SLC7A7: variants seen among roughly 807,000 people sequenced by gnomAD.
The protein encoded by SLC7A7 is solute carrier family 7 member 7.
Under a neutral mutation model 47.9 loss-of-function variants are expected in SLC7A7, and 39 were observed. That is an observed-to-expected ratio of 0.81 (90% CI 0.63 to 1.06). The LOEUF (loss-of-function observed/expected upper bound fraction) is 1.06. SLC7A7 is among the 50% of genes least tolerant of loss of function. SLC7A7 has a pLI of 0.00. For missense variants in SLC7A7, 588 were observed against 632.0 expected (o/e 0.93, Z 0.75); for synonymous variants, 234 against 242.8 (o/e 0.96, Z 0.34).
At chr14:22,789,627 CAAAAA>C (rs71115580) in intron 2 of SLC7A7, among the ~76,000 whole-genome samples, 10 of 112,554 alleles carry the variant, frequency 8.9e-5, no homozygotes, top group Admixed American at 9.3e-5. Context: ...GACTCTGGCT[CAAAAA>C]AAAAAAAAAA....
intron 2 of SLC7A7, among the ~76,000 whole-genome samples, chr14:22,790,959 C>T (rs11157819): frequency 0.87 from 129,839 of 149,350 alleles, 57,245 homozygotes; most frequent in East Asian, 0.98. Context: ...GATCGCGCCA[C>T]TGCACTCCAG....
intron 2 of SLC7A7, among the ~76,000 whole-genome samples, chr14:22,794,959 A>G (rs1185366686): frequency 6.6e-6 from 1 of 151,694 alleles, no homozygotes; most frequent in Non-Finnish European, 1.5e-5. Context: ...CTCAAAAGCA[A>G]TTTTTCTGCT....
intron 2 of SLC7A7, among the ~76,000 whole-genome samples, chr14:22,805,197 A>C (rs36110354): frequency 0.13 from 19,135 of 152,000 alleles, 1,375 homozygotes; most frequent in South Asian, 0.19. Flanking sequence ...GAAACTCCAT[A>C]TCTACTAAAA....
In SLC7A7 at chr14:22,773,944, C is replaced by T. The variant is rs200779103; in HGVS notation, c.1418G>A (p.Arg473Gln). ...GATGCACGGCTTACCCACGATCCTT[C>T]GGAGGTAAAGCGGTCGCTTATGTTC... ...VPEHKRPLYLRRIVGSATRYL... is the reference protein window; with the variant it reads ...VPEHKRPLYLQRIVGSATRYL... The change falls in exon 9 of 10, where the codon CGA (arginine) becomes CAA (glutamine). Residue 473 changes from arginine (R) to glutamine (Q), a missense_variant. Coordinates refer to ENST00000674313, the MANE Select transcript of SLC7A7 (RefSeq NM_003982.4). 69 of 1,614,002 alleles carry T rather than the reference C, an allele frequency of 4.3e-5. No homozygotes were observed. Among genetic ancestry groups the T allele is most frequent in the African/African-American group, 8.0e-5 (6 of 74,928 alleles).
At chr14:22,802,638 T>C (rs1042943034) in intron 2 of SLC7A7, among the ~76,000 whole-genome samples, 3 of 152,224 alleles carry the variant, frequency 2.0e-5, no homozygotes, top group African/African-American at 7.2e-5. Context: ...TATCCTTCCT[T>C]GTCCACCCCA....
At chr14:22,806,038 G>A (rs1460077935) in intron 2 of SLC7A7, among the ~76,000 whole-genome samples, 3 of 147,800 alleles carry the variant, frequency 2.0e-5, no homozygotes, top group Non-Finnish European at 3.0e-5. Context: ...CCACTCGGGA[G>A]GCTGAGGCAG....
chr14:22,773,735 G>C lies in SLC7A7; in HGVS notation c.1430-19C>G, dbSNP rs1402594046. 3 of 1,612,200 alleles carry C rather than the reference G, an allele frequency of 1.9e-6. No individual in the cohort carries two copies. Among genetic ancestry groups the C allele is most frequent in the Non-Finnish European group, 2.5e-6 (3 of 1,178,328 alleles). ...GCAGACCCTACAAAGAGAACTTTGA[G>C]TTGGAATTGAGAAGAGGTCAGCTGG... On this transcript the variant is annotated intron_variant, in intron 9 of 9. Transcript: ENST00000674313.
chr14:22,814,482 C>T (rs1376751163), intron 1 of SLC7A7, among the ~76,000 whole-genome samples: 3 of 151,092 alleles, frequency 2.0e-5, no homozygotes, highest in African/African-American at 4.9e-5. Flanking sequence ...AAAACTCTGT[C>T]TCAAAAAAAA....
intron 5 of SLC7A7, 110 bp from the exon 6 acceptor site, chr14:22,776,046 G>A: frequency 7.1e-7 from 1 of 1,416,162 alleles, no homozygotes; most frequent in Non-Finnish European, 1.0e-6. Flanking sequence ...TTCTTCCACA[G>A]TGGGGTTAAC....
chr14:22,811,790 T>G (rs996428175), intron 2 of SLC7A7, among the ~76,000 whole-genome samples: 7 of 146,648 alleles, frequency 4.8e-5, no homozygotes, highest in Non-Finnish European at 3.0e-5. Flanking sequence ...AGATGGAGGT[T>G]GCAGTGAGCT....
At chr14:22,814,140 CTG>C (rs1377928595) in intron 1 of SLC7A7, among the ~76,000 whole-genome samples, 5 of 151,796 alleles carry the variant, frequency 3.3e-5, no homozygotes, top group African/African-American at 1.2e-4. Context: ...GAGAAAGGAT[CTG>C]TCTCTCATCA....
At chr14:22,818,578 T>TTC, upstream of SLC7A7, among the ~76,000 whole-genome samples, 1 of 101,892 alleles carries the variant, frequency 9.8e-6, no homozygotes, top group Admixed American at 9.0e-5. Context: ...TACCCCAGGT[T>TTC]TTTGGTTTTT....
At position 22,798,313 on chromosome 14, in the gene SLC7A7, A is replaced by C. The variant is rs78255480; in HGVS notation, c.499+14587T>G. 7.5e-3 allele frequency among the ~76,000 whole-genome samples: 1,149 copies of C among 152,192 alleles called. 9 individuals carry two copies. The highest frequency in any genetic ancestry group is 0.021 in the African/African-American group (891 of 41,522). ...ACTCTGTCAAAAAAAAAGAAGAAGA[A>C]GAAGGAGAAGGAGGAAAAGGAGAAG... On this transcript the variant is annotated intron_variant, in intron 2 of 9. Coordinates refer to ENST00000674313, the MANE Select transcript of SLC7A7 (RefSeq NM_003982.4).
At chr14:22,807,650 C>T (rs1170702734) in intron 2 of SLC7A7, among the ~76,000 whole-genome samples, 3 of 152,286 alleles carry the variant, frequency 2.0e-5, no homozygotes, top group East Asian at 3.9e-4. Flanking sequence ...TCACCCAGGG[C>T]TGTCTCCTCG....
intron 2 of SLC7A7, among the ~76,000 whole-genome samples, chr14:22,799,444 C>CTTTTTTTTTTTTT (rs2039072654): frequency 9.1e-6 from 1 of 109,790 alleles, no homozygotes; most frequent in African/African-American, 3.2e-5. Context: ...TTATTTTTTT[C>CTTTTTTTTTTTTT]TTTCTTTTTT....
intron 4 of SLC7A7, among the ~76,000 whole-genome samples, chr14:22,778,226 A>G (rs1376394419): frequency 6.6e-6 from 1 of 152,102 alleles, no homozygotes; most frequent in Non-Finnish European, 1.5e-5. Flanking sequence ...TGGCCGGGCA[A>G]CTCCCTCAAG....
chr14:22,778,766 ATGGAAAGT>A lies in SLC7A7; in HGVS notation c.770+19_770+26del, dbSNP rs1566442367. 6 of 1,610,562 alleles carry A rather than the reference ATGGAAAGT, an allele frequency of 3.7e-6. No homozygotes were observed. Among genetic ancestry groups the A allele is most frequent in the Non-Finnish European group, 5.1e-6 (6 of 1,177,086 alleles). On this transcript the variant is annotated intron_variant, in intron 4 of 9. Transcript: ENST00000674313. ...TCATTAAATGATGGCTATCACTGCT[ATGGAAAGT>A]TGGTGGTGCAGTACCTACCTCTCAG...
chr14:22,778,888 C>G lies in SLC7A7; in HGVS notation c.675G>C (p.Val225=), dbSNP rs772172822. 8.1e-6 allele frequency: 13 copies of G among 1,614,040 alleles called. No homozygotes were observed. Among genetic ancestry groups the G allele is most frequent in the Middle Eastern group, 1.6e-4 (1 of 6,076 alleles). ...AGTACAGTGCCAGGGCAATGTCACC[C>G]ACTGCAAATGATGAACCCTCAAAGG... The part of the protein sequence containing the change: ...ENSFEGSSFA[V]GDIALALYSA... The change falls in exon 4 of 10, where the codon GTG becomes GTC. Residue 225 remains valine (V), a synonymous_variant. Coordinates refer to ENST00000674313, the MANE Select transcript of SLC7A7 (RefSeq NM_003982.4).
chr14:22,790,442 C>G (rs1210332927), intron 2 of SLC7A7, among the ~76,000 whole-genome samples: 5 of 151,760 alleles, frequency 3.3e-5, no homozygotes, highest in Non-Finnish European at 7.4e-5. Flanking sequence ...GAAGTGAAAC[C>G]CTTGACAGCT....
Sources: gnomAD v4.1 joint callset for allele counts (sites outside exome capture counted in the v4.1 genomes callset) on GRCh38, gnomAD v4.1.1 for gene constraint, MANE v1.5 for transcripts, NCBI Gene and HGNC (gene_info 2026-07-23, HGNC 2026-07-21) for gene names.